MMP12: variants seen among roughly 807,000 people sequenced by gnomAD.
The protein encoded by MMP12 is macrophage metalloelastase.
A neutral mutation model predicts 45.2 loss-of-function variants in MMP12; 51 were observed. The ratio of observed to expected loss-of-function variants is 1.13; its 90% CI spans 0.90 to 1.42. MMP12 has a LOEUF of 1.42. Ranked by LOEUF, MMP12 falls within the 40% of genes most tolerant of loss-of-function variation. The pLI, the probability that MMP12 is intolerant of heterozygous loss-of-function variation, is 0.00. For synonymous variants in MMP12, 210 were observed against 193.3 expected, an observed-to-expected ratio of 1.09 and a Z score of -0.72; for missense variants, 530 against 570.8, an observed-to-expected ratio of 0.93 and a Z score of 0.73.
intron 9 of MMP12, among the ~76,000 whole-genome samples, chr11:102,863,706 T>C (rs1294717216): frequency 2.0e-5 from 3 of 152,136 alleles, no homozygotes; most frequent in African/African-American, 7.2e-5. Context: ...CTCAAGCTTT[T>C]CTTAACCCAC....
At chr11:102,864,282 A>C in intron 8 of MMP12, 30 bp from the exon 9 acceptor site, 14 of 1,512,262 alleles carry the variant, frequency 9.3e-6, no homozygotes, top group Non-Finnish European at 1.3e-5. Context: ...GCAGGAACTC[A>C]ATCAGAAAGT....
At position 102,863,096 on chromosome 11, in the gene MMP12, A is replaced by C. The variant is rs1859321032; in HGVS notation, c.*4T>G. 1 of 1,594,934 alleles carries C rather than the reference A, an allele frequency of 6.3e-7. No homozygotes were observed. Among genetic ancestry groups the C allele is most frequent in the African/African-American group, 1.3e-5 (1 of 74,248 alleles). On this transcript the variant is annotated 3_prime_UTR_variant, in exon 10 of 10. Transcript: ENST00000571244. The stretch of plus-strand genomic sequence containing the variant: ...ACTAACAAAAACCATTAATTACACC[A>C]TTTCTAACAACCAAACCAGCTATTG...
At position 102,871,964 on chromosome 11, in the gene MMP12, AAAAG is replaced by A. The variant is rs782425629; in HGVS notation, c.351-16_351-13del. On this transcript the variant is annotated splice_polypyrimidine_tract_variant and intron_variant, in intron 2 of 9. Transcript: ENST00000571244. ...TGTAATTATTGATTCTTTATCAGCAAAAAGAGAGAGAAAAATGTATGGAAGGCAG... is the reference window on the plus strand; with the variant it reads ...TGTAATTATTGATTCTTTATCAGCAAAGAGAGAAAAATGTATGGAAGGCAG... 5.0e-6 allele frequency: 8 copies of A among 1,594,192 alleles called. No homozygotes were observed. Among genetic ancestry groups the A allele is most frequent in the Non-Finnish European group, 6.8e-6 (8 of 1,171,812 alleles).
rs1859571684 is a variant in MMP12, at chr11:102,874,933, T to C, written c.5A>G (p.Lys2Arg). 6.3e-7 allele frequency: 1 copy of C among 1,584,354 alleles called. No individual in the cohort carries two copies. The highest frequency in any genetic ancestry group is 8.6e-7 in the Non-Finnish European group (1 of 1,162,206). Residue 2 changes from lysine to arginine, a missense_variant, in exon 1 of 10, where the codon AAG (lysine) becomes AGG (arginine). Lys to Arg is a conservative substitution (Grantham distance 26). Coordinates refer to ENST00000571244, the MANE Select transcript of MMP12 (RefSeq NM_002426.6). ...CTGCAGGAGCAGTATTAGAAGAAAC[T>C]TCATTGTAAACTTCTAAACGGATCA... is the stretch of plus-strand genomic sequence containing the variant. M[K>R]FLLILLLQAT...
chr11:102,868,382 T>C (rs998904872), intron 4 of MMP12, among the ~76,000 whole-genome samples: 1 of 152,152 alleles, frequency 6.6e-6, no homozygotes, highest in Non-Finnish European at 1.5e-5. Context: ...TTGCCTAGGG[T>C]TAGGGACCTC....
chr11:102,873,492 C>T (rs1859539066), intron 1 of MMP12, among the ~76,000 whole-genome samples: 2 of 151,476 alleles, frequency 1.3e-5, no homozygotes, highest in Admixed American at 6.6e-5. Flanking sequence ...CCCAGCTACT[C>T]AGGAGGCTGA....
rs28360358 is a variant in MMP12 at position 102,874,739 on chromosome 11, GCAAACAAA to G, written c.102+89_102+96del. 4.8e-4 allele frequency: 382 copies of G among 795,694 alleles called. 1 individual carries two copies. The highest frequency in any genetic ancestry group is 4.5e-3 in the Middle Eastern group (18 of 3,976). The allele number at this position is 795,694 out of a possible 1,614,324, so 49.3% of individuals were successfully genotyped here. A position where few individuals can be genotyped will look rare whatever the true frequency, so the allele number is the denominator to read the frequency against. Reference sequence around the variant, plus strand: ...ACCAATTTTCAGCTGATACGTAAAAGCAAACAAACAAACAAACAAACAAACAAACTGGT... The same window carrying G: ...ACCAATTTTCAGCTGATACGTAAAAGCAAACAAACAAACAAACAAACTGGT... On this transcript the variant is annotated intron_variant, in intron 1 of 9. Transcript: ENST00000571244.
chr11:102,871,792 C>T lies in MMP12; in HGVS notation c.499+12G>A. On this transcript the variant is annotated intron_variant, in intron 3 of 9. Coordinates refer to ENST00000571244, the MANE Select transcript of MMP12 (RefSeq NM_002426.6). ...CATGCCAAATGACAAAGATGAAATACAAGTTCCCTACCTCCACGGGCAAAA... is the reference window on the plus strand; with the variant it reads ...CATGCCAAATGACAAAGATGAAATATAAGTTCCCTACCTCCACGGGCAAAA... 6.2e-7 allele frequency: 1 copy of T among 1,613,014 alleles called. No homozygotes were observed. The highest frequency in any genetic ancestry group is 8.5e-7 in the Non-Finnish European group (1 of 1,179,446).
chr11:102,863,436 T>A (rs1262327475), intron 9 of MMP12, among the ~76,000 whole-genome samples: 2 of 151,978 alleles, frequency 1.3e-5, no homozygotes, highest in Non-Finnish European at 2.9e-5. Context: ...CATCAAAAAA[T>A]AACAAATAAA....
intron 2 of MMP12, among the ~76,000 whole-genome samples, 163 bp downstream of exon 2, chr11:102,872,702 C>A (rs1485601798): frequency 1.3e-5 from 2 of 152,186 alleles, no homozygotes; most frequent in Non-Finnish European, 2.9e-5. Context: ...CCTGAGTGAA[C>A]AATTCTTCCT....
intron 5 of MMP12, among the ~76,000 whole-genome samples, 194 bp downstream of exon 5, chr11:102,867,714 C>T (rs1859417778): frequency 6.6e-6 from 1 of 152,126 alleles, no homozygotes; most frequent in South Asian, 2.1e-4. Context: ...CTGCCTCTGG[C>T]TCTGACGTTA....
In MMP12 at chr11:102,865,449, C is replaced by A. The variant is rs1317257653; in HGVS notation, c.1205+327G>T. The stretch of plus-strand genomic sequence containing the variant: ...AAGGAATCTGGAAATCCATAACCCT[C>A]GAAACTGACTGTAGATTAAATACTT... On this transcript the variant is annotated intron_variant, in intron 8 of 9. Transcript: ENST00000571244. The surrounding 1 kb of genome is among the most constrained non-coding windows in gnomAD (Gnocchi z 4.1). Among the ~76,000 whole-genome samples, 2 of 152,144 alleles carry A rather than the reference C, an allele frequency of 1.3e-5. No individual in the cohort carries two copies. The highest frequency in any genetic ancestry group is 4.8e-5 in the African/African-American group (2 of 41,432).
chr11:102,869,049 G>A (rs1555009031), intron 4 of MMP12, among the ~76,000 whole-genome samples: 10 of 152,102 alleles, frequency 6.6e-5, no homozygotes, highest in Non-Finnish European at 1.5e-5. Flanking sequence ...CACCTTTGTA[G>A]GTAAGAGAAG....
rs1403200754 is a variant in MMP12 at position 102,865,631 on chromosome 11, A to G, written c.1205+145T>C. On this transcript the variant is annotated intron_variant, in intron 8 of 9. Coordinates refer to ENST00000571244, the MANE Select transcript of MMP12 (RefSeq NM_002426.6). The surrounding 1 kb of genome is among the most constrained non-coding windows in gnomAD (Gnocchi z 4.1). ...ACAAAGAACTAAGTTGACAATAACT[A>G]TTTCAGTCCTATATTCTCTTAATCT... is the stretch of plus-strand genomic sequence containing the variant. The G allele has an allele frequency of 1.9e-6, 1 of 538,190 alleles. No homozygotes were observed. The highest frequency in any genetic ancestry group is 1.9e-5 in the African/African-American group (1 of 52,040). The allele number at this position is 538,190 out of a possible 1,614,324, so 33.3% of individuals were successfully genotyped here. A position where few individuals can be genotyped will look rare whatever the true frequency, so the allele number is the denominator to read the frequency against.
chr11:102,868,113 A>G (rs1859429956), intron 4 of MMP12, 44 bp from the exon 5 acceptor site: 1 of 1,469,446 alleles, frequency 6.8e-7, no homozygotes, highest in Non-Finnish European at 9.4e-7. Flanking sequence ...ATGCATTATC[A>G]TCTTGGACAA....
At chr11:102,870,556 G>A (rs1300802281) in intron 4 of MMP12, among the ~76,000 whole-genome samples, 2 of 152,162 alleles carry the variant, frequency 1.3e-5, no homozygotes, top group African/African-American at 4.8e-5. Context: ...CCACATGAGG[G>A]AGTCATAGAA....
Position 102,867,251 on chromosome 11 carries a change from G to C in MMP12, c.911+19C>G. 6.4e-7 allele frequency: 1 copy of C among 1,560,012 alleles called. No individual in the cohort carries two copies. Among genetic ancestry groups the C allele is most frequent in the Non-Finnish European group, 8.6e-7 (1 of 1,156,184 alleles). ...AAGGCAGAAACTTTAATATTGGTTA[G>C]ATATGAAAATGATCCTACCTGTCTT... is the stretch of plus-strand genomic sequence containing the variant. On this transcript the variant is annotated intron_variant, in intron 6 of 9. Transcript: ENST00000571244.
chr11:102,868,595 A>G (rs1413205039), intron 4 of MMP12, among the ~76,000 whole-genome samples: 3 of 152,332 alleles, frequency 2.0e-5, no homozygotes, highest in South Asian at 4.1e-4. Flanking sequence ...TAAGGCTATC[A>G]TTAAGTTTCA....
intron 4 of MMP12, among the ~76,000 whole-genome samples, chr11:102,870,970 A>G (rs1859482657): frequency 6.6e-6 from 1 of 152,176 alleles, no homozygotes; most frequent in African/African-American, 2.4e-5. Context: ...GGATTTCACT[A>G]GGTCAAAAAC....
Sources: allele counts gnomAD v4.1 joint callset (sites outside exome capture counted in the v4.1 genomes callset), GRCh38; gene constraint gnomAD v4.1.1; non-coding constraint Gnocchi (gnomAD v3.1); transcripts MANE v1.5; gene names NCBI Gene and HGNC (gene_info 2026-07-23, HGNC 2026-07-21).